Variants in SLCO4C1 observed in about 807,000 individuals in gnomAD.
SLCO4C1 encodes solute carrier organic anion transporter family member 4C1.
SLCO4C1 carries 58 observed loss-of-function variants against 72.1 expected under a neutral mutation model. The observed-to-expected ratio is 0.80, with a 90% CI of 0.65 to 1.00. The LOEUF (loss-of-function observed/expected upper bound fraction) is 1.00. Among genes scored for constraint, SLCO4C1 ranks in the 50% least tolerant of loss-of-function variants. The probability of loss-of-function intolerance (pLI) is 0.00; values close to 1 mark genes in which losing one functional copy is unlikely to be tolerated. For synonymous variants in SLCO4C1, 297 were observed against 312.5 expected (o/e 0.95, Z 0.52); for missense variants, 898 against 857.9 (o/e 1.05, Z -0.58).
intron 3 of SLCO4C1, among the ~76,000 whole-genome samples, chr5:102,266,596 G>A (rs57895504): frequency 0.053 from 8,107 of 152,148 alleles, 691 homozygotes; most frequent in African/African-American, 0.17. Context: ...GTTGCAATGA[G>A]CAGAGATCGC....
At chr5:102,295,799 C>T in intron 1 of SLCO4C1, 109 bp downstream of exon 1, 2 of 1,115,472 alleles carry the variant, frequency 1.8e-6, no homozygotes, top group African/African-American at 1.6e-5. Flanking sequence ...CCTTGCAGGG[C>T]GCGTCCACCG....
At chr5:102,260,658 C>A (rs1037804620) in intron 5 of SLCO4C1, among the ~76,000 whole-genome samples, 4 of 151,958 alleles carry the variant, frequency 2.6e-5, no homozygotes, top group African/African-American at 9.7e-5. Flanking sequence ...CTATGCTTTT[C>A]ATTTAAAATC....
Position 102,261,945 on chromosome 5 carries a change from T to C in SLCO4C1, c.988A>G (p.Ile330Val), listed in dbSNP as rs1384995792. The part of the protein sequence containing the change: ...LSWIFAWSLI[I>V]PFSCFPKHLP... ...TGTTTTGGAAAGCAAGAAAAAGGTA[T>C]TATTAAAGACCAAGCAAAGATCCAT... The change falls in exon 5 of 13, where the codon ATA becomes GTA. Residue 330 changes from isoleucine to valine, a missense_variant. Physicochemically the swap from Ile to Val is conservative, Grantham distance 29. Coordinates refer to ENST00000310954, the MANE Select transcript of SLCO4C1 (RefSeq NM_180991.5). 6.2e-7 allele frequency: 1 copy of C among 1,612,144 alleles called. No homozygotes were observed. The highest frequency in any genetic ancestry group is 1.7e-5 in the Admixed American group (1 of 59,828).
chr5:102,267,662 T>C (rs960030739), intron 3 of SLCO4C1, among the ~76,000 whole-genome samples: 2 of 150,510 alleles, frequency 1.3e-5, no homozygotes, highest in Non-Finnish European at 3.0e-5. Flanking sequence ...TAATTTTGGG[T>C]TTGTTTGTTC....
rs118172208 is a variant in SLCO4C1, at chr5:102,275,590, A to G, written c.620-4784T>C. Among the ~76,000 whole-genome samples, 89 of 152,288 alleles carry G rather than the reference A, an allele frequency of 5.8e-4. 2 individuals carry two copies. The East Asian group carries it at 0.015, about 26-fold the overall frequency. On this transcript the variant is annotated intron_variant, in intron 2 of 12. Transcript: ENST00000310954. ...TGAAGAGAGACTCCAAGTCACAAAT[A>G]CACTTGGACTACTGAGAATCTTCTT...
chr5:102,250,384 T>C (rs554078227), intron 8 of SLCO4C1, among the ~76,000 whole-genome samples: 1 of 152,148 alleles, frequency 6.6e-6, no homozygotes, highest in African/African-American at 2.4e-5. Context: ...TTCCCTAATA[T>C]AAAGGGTTAC....
intron 5 of SLCO4C1, among the ~76,000 whole-genome samples, chr5:102,260,741 T>G (rs1748925869): frequency 6.6e-6 from 1 of 152,180 alleles, no homozygotes; most frequent in Admixed American, 6.5e-5. Context: ...TTGTGGCTTT[T>G]TTCCTCTGCT....
intron 12 of SLCO4C1, among the ~76,000 whole-genome samples, chr5:102,237,742 C>T (rs116551965): frequency 0.012 from 1,817 of 152,246 alleles, 42 homozygotes; most frequent in African/African-American, 0.042. Flanking sequence ...CATTCCCTTC[C>T]AGGACAGAAA....
At chr5:102,293,995 G>C (rs1343549614) in intron 1 of SLCO4C1, among the ~76,000 whole-genome samples, 1 of 152,154 alleles carries the variant, frequency 6.6e-6, no homozygotes, top group African/African-American at 2.4e-5. Context: ...TTCAAACTCC[G>C]CCTCCTGGGT....
intron 8 of SLCO4C1, among the ~76,000 whole-genome samples, chr5:102,251,038 T>C (rs1748730196): frequency 1.3e-5 from 2 of 151,520 alleles, no homozygotes; most frequent in South Asian, 4.2e-4. Flanking sequence ...GCCAGTCAAA[T>C]GGGGAAGGGG....
At chr5:102,269,098 A>G (rs112100182) in intron 3 of SLCO4C1, among the ~76,000 whole-genome samples, 7 of 151,964 alleles carry the variant, frequency 4.6e-5, no homozygotes, top group African/African-American at 1.7e-4. Flanking sequence ...TTTTAGAATT[A>G]TCTTTGTCTT....
In SLCO4C1 at chr5:102,287,711, A is replaced by AT. The variant is rs377130287; in HGVS notation, c.619+3631dup. ...AGGCATATGCCACCACACATGGCTA[A>AT]TTTTTTTTTTCTTTTTGTATTTTTA... is the stretch of plus-strand genomic sequence containing the variant. On this transcript the variant is annotated intron_variant, in intron 2 of 12. Transcript: ENST00000310954. 3.9e-3 allele frequency among the ~76,000 whole-genome samples: 582 copies of AT among 148,346 alleles called. 5 individuals carry two copies. Among genetic ancestry groups the AT allele is most frequent in the African/African-American group, 0.013 (539 of 40,408 alleles).
intron 3 of SLCO4C1, among the ~76,000 whole-genome samples, chr5:102,267,788 A>G (rs1749070549): frequency 6.6e-6 from 1 of 151,914 alleles, no homozygotes; most frequent in East Asian, 1.9e-4. Flanking sequence ...GCTGTACCTC[A>G]TAAGATTTGG....
chr5:102,245,640 T>C (rs1041585042), intron 10 of SLCO4C1, among the ~76,000 whole-genome samples: 2 of 152,080 alleles, frequency 1.3e-5, no homozygotes, highest in Non-Finnish European at 2.9e-5. Flanking sequence ...ATTTTCCAGA[T>C]AGAATATCAA....
chr5:102,253,969 C>T (rs1027000546), intron 8 of SLCO4C1, among the ~76,000 whole-genome samples: 1 of 151,492 alleles, frequency 6.6e-6, no homozygotes, highest in African/African-American at 2.4e-5. Context: ...ATATATATAT[C>T]CCCTGATCTT....
intron 1 of SLCO4C1, among the ~76,000 whole-genome samples, chr5:102,295,640 C>T (rs981497775): frequency 3.9e-5 from 6 of 152,224 alleles, no homozygotes; most frequent in Non-Finnish European, 7.3e-5. Context: ...CTTGAATCCG[C>T]TAAACTGAGG....
intron 2 of SLCO4C1, among the ~76,000 whole-genome samples, chr5:102,288,484 C>T (rs1749495641): frequency 6.6e-6 from 1 of 152,158 alleles, no homozygotes; most frequent in Non-Finnish European, 1.5e-5. Context: ...ATTTATCTCC[C>T]ACCTGGACTA....
At chr5:102,257,025 C>A in intron 8 of SLCO4C1, 90 bp downstream of exon 8, 1 of 1,141,408 alleles carries the variant, frequency 8.8e-7, no homozygotes, top group Non-Finnish European at 1.2e-6. Context: ...TTTAAAAAGC[C>A]AATTTCTCAC....
intron 2 of SLCO4C1, among the ~76,000 whole-genome samples, chr5:102,281,015 T>C (rs1031922496): frequency 6.6e-6 from 1 of 152,120 alleles, no homozygotes; most frequent in African/African-American, 2.4e-5. Context: ...CAAACCAATA[T>C]GGAAAAATAA....
Sources: gnomAD v4.1 joint callset for allele counts (sites outside exome capture counted in the v4.1 genomes callset) on GRCh38, gnomAD v4.1.1 for gene constraint, MANE v1.5 for transcripts, NCBI Gene and HGNC (gene_info 2026-07-23, HGNC 2026-07-21) for gene names.